MMAA: variants seen among roughly 807,000 people sequenced by gnomAD.
MMAA encodes methylmalonic aciduria type A protein, mitochondrial.
A neutral mutation model predicts 45.0 loss-of-function variants in MMAA; 41 were observed. That is an observed-to-expected ratio of 0.91 (90% CI 0.71 to 1.18). The LOEUF is 1.18. Among genes scored for constraint, MMAA ranks in the 50% most tolerant of loss-of-function variants. The pLI is 0.00. For missense variants in MMAA, 460 were observed against 495.7 expected, an observed-to-expected ratio of 0.93 and a Z score of 0.68; for synonymous variants, 154 against 178.2, an observed-to-expected ratio of 0.86 and a Z score of 1.08.
At chr4:145,642,652 A>G in intron 3 of MMAA, 167 bp downstream of exon 3, 1 of 957,938 alleles carries the variant, frequency 1.0e-6, no homozygotes, top group Non-Finnish European at 1.6e-6. Flanking sequence ...GTAGTTTGGG[A>G]GTGTTGTACT....
At chr4:145,624,132 A>G (rs1734147355) in intron 1 of MMAA, 2 of 1,122,502 alleles carry the variant, frequency 1.8e-6, no homozygotes, top group African/African-American at 1.5e-5. Context: ...AATCAGCAGA[A>G]AGGCTGCTCA....
intron 4 of MMAA, 69 bp from the exon 5 acceptor site, chr4:145,650,993 G>T: frequency 7.4e-7 from 1 of 1,345,968 alleles, no homozygotes; most frequent in Non-Finnish European, 1.1e-6. Context: ...GAATGGAAAT[G>T]GTCAATGTAG....
rs1423431720 is a variant in MMAA, at chr4:145,656,778, A to T, written c.*1344A>T. ...CATATTCTATTCTGAACCCTGTAGAATATTTTATGTAGTATAGCAGCTTGC... is the reference window on the plus strand; with the variant it reads ...CATATTCTATTCTGAACCCTGTAGATTATTTTATGTAGTATAGCAGCTTGC... On this transcript the variant is annotated 3_prime_UTR_variant, in exon 7 of 7. Coordinates refer to ENST00000649156, the MANE Select transcript of MMAA (RefSeq NM_172250.3). 1 of 152,236 alleles carries T rather than the reference A, an allele frequency of 6.6e-6. No individual in the cohort carries two copies. Among genetic ancestry groups the T allele is most frequent in the Non-Finnish European group, 1.5e-5 (1 of 68,032 alleles). The allele number at this position is 152,236 out of a possible 1,614,324, so 9.4% of individuals were successfully genotyped here.
intron 1 of MMAA, among the ~76,000 whole-genome samples, chr4:145,622,132 A>G (rs572456866): frequency 6.6e-6 from 1 of 152,266 alleles, no homozygotes; most frequent in Non-Finnish European, 1.5e-5. Flanking sequence ...CACAATCCCC[A>G]TGTGTCATGG....
chr4:145,621,995 T>C (rs1734098313), intron 1 of MMAA, among the ~76,000 whole-genome samples: 3 of 152,244 alleles, frequency 2.0e-5, no homozygotes, highest in African/African-American at 7.2e-5. Context: ...AGTGGAGTTA[T>C]TGACCCATGC....
intron 1 of MMAA, among the ~76,000 whole-genome samples, chr4:145,621,307 A>C (rs1056063686): frequency 6.6e-6 from 1 of 152,220 alleles, no homozygotes; most frequent in Non-Finnish European, 1.5e-5. Flanking sequence ...GGGAATCAAA[A>C]CATTTAATGG....
chr4:145,651,146 A>C lies in MMAA; in HGVS notation c.818A>C (p.Gln273Pro). Residue 273 changes from glutamine to proline, a missense_variant and splice_region_variant, in exon 5 of 7, where the codon CAG (glutamine) becomes CCG (proline). By Grantham distance (76) the Gln-to-Pro change is moderately conservative. Transcript: ENST00000649156. ...CCACCAGCAGGAGGAGATGAGCTGC[A>C]GGTAATTATTTTTATTTTTTCCCCC... ...LLPPAGGDEL[Q>P]GIKRGIIEMA... 6.2e-7 allele frequency: 1 copy of C among 1,612,866 alleles called. No individual in the cohort carries two copies. The highest frequency in any genetic ancestry group is 8.5e-7 in the Non-Finnish European group (1 of 1,178,900).
Position 145,654,111 on chromosome 4 carries a change from C to T in MMAA, c.937C>T (p.Leu313Phe), listed in dbSNP as rs1437268124. The T allele has an allele frequency of 6.2e-7, 1 of 1,614,152 alleles. No homozygotes were observed. Among genetic ancestry groups the T allele is most frequent in the Non-Finnish European group, 8.5e-7 (1 of 1,180,004 alleles). ...GGAATATGTGAGTGCACTGAAATTA[C>T]TCCGCAAACGTTCACAAGTCTGGAA... ...QAEYVSALKLLRKRSQVWKPK... is the reference protein window; with the variant it reads ...QAEYVSALKLFRKRSQVWKPK... Residue 313 changes from leucine to phenylalanine, a missense_variant, in exon 6 of 7, where the codon CTC becomes TTC. Leu to Phe is a conservative substitution (Grantham distance 22, BLOSUM62 0). Coordinates refer to ENST00000649156, the MANE Select transcript of MMAA (RefSeq NM_172250.3).
intron 1 of MMAA, among the ~76,000 whole-genome samples, chr4:145,634,953 C>T (rs1279701686): frequency 3.3e-5 from 5 of 151,798 alleles, no homozygotes; most frequent in African/African-American, 1.2e-4. Flanking sequence ...CCCGCTCTTC[C>T]CTTTCCTTTC....
intron 5 of MMAA, among the ~76,000 whole-genome samples, chr4:145,652,790 G>A (rs1301006456): frequency 1.3e-5 from 2 of 151,818 alleles, no homozygotes; most frequent in African/African-American, 4.8e-5. Context: ...ATGAATAACA[G>A]ACACTCCTGT....
At chr4:145,634,821 C>T (rs1262355356) in intron 1 of MMAA, among the ~76,000 whole-genome samples, 1 of 151,966 alleles carries the variant, frequency 6.6e-6, no homozygotes, top group African/African-American at 2.4e-5. Context: ...AAGTTCCCTT[C>T]TGGCCCAGGG....
At chr4:145,636,456 G>A (rs983431253) in intron 1 of MMAA, among the ~76,000 whole-genome samples, 4 of 152,152 alleles carry the variant, frequency 2.6e-5, no homozygotes, top group African/African-American at 9.7e-5. Context: ...TCTGTCATTT[G>A]TCCACTGCCC....
chr4:145,645,529 A>C (rs1727905628), intron 3 of MMAA, among the ~76,000 whole-genome samples: 1 of 152,248 alleles, frequency 6.6e-6, no homozygotes, highest in African/African-American at 2.4e-5. Flanking sequence ...GAATAGTGTG[A>C]AATGGTGGAG....
chr4:145,633,345 C>G (rs1387086094), intron 1 of MMAA, among the ~76,000 whole-genome samples: 2 of 151,308 alleles, frequency 1.3e-5, no homozygotes, highest in Non-Finnish European at 2.9e-5. Context: ...ATTACAGTAC[C>G]CACCACCACA....
chr4:145,638,085 T>C (rs1028651059), intron 1 of MMAA, among the ~76,000 whole-genome samples: 1 of 152,166 alleles, frequency 6.6e-6, no homozygotes, highest in Non-Finnish European at 1.5e-5. Context: ...AAAAGATCCT[T>C]ATGGCCGGGC....
In MMAA at chr4:145,639,592, G is replaced by A; in HGVS notation, c.439+14G>A. The A allele has an allele frequency of 6.2e-7, 1 of 1,600,586 alleles. No homozygotes were observed. Among genetic ancestry groups the A allele is most frequent in the Non-Finnish European group, 8.5e-7 (1 of 1,172,710 alleles). On this transcript the variant is annotated intron_variant, in intron 2 of 6. Transcript: ENST00000649156. The stretch of plus-strand genomic sequence containing the variant: ...CATTTCGAGTAGGTCAGTCTTTTTT[G>A]TGTGTTTTCTCAGTAAATATTTTTA...
At chr4:145,627,717 G>A (rs1734233829) in intron 1 of MMAA, among the ~76,000 whole-genome samples, 1 of 152,126 alleles carries the variant, frequency 6.6e-6, no homozygotes, top group African/African-American at 2.4e-5. Context: ...GGTGCTATTT[G>A]AACTGAGTAG....
At chr4:145,640,344 C>A (rs915771694) in intron 2 of MMAA, among the ~76,000 whole-genome samples, 1 of 151,960 alleles carries the variant, frequency 6.6e-6, no homozygotes, top group Non-Finnish European at 1.5e-5. Flanking sequence ...AACTCCTGAC[C>A]TCAAGTGATC....
chr4:145,634,376 CTG>C (rs1727549210), intron 1 of MMAA, among the ~76,000 whole-genome samples: 2 of 152,154 alleles, frequency 1.3e-5, no homozygotes, highest in Non-Finnish European at 2.9e-5. Context: ...TACCAGACTA[CTG>C]CTGATGCTCC....
Sources: allele counts gnomAD v4.1 joint callset (sites outside exome capture counted in the v4.1 genomes callset), GRCh38; gene constraint gnomAD v4.1.1; transcripts MANE v1.5; gene names NCBI Gene and HGNC (gene_info 2026-07-23, HGNC 2026-07-21).